FAM234B: variants seen among roughly 807,000 people sequenced by gnomAD.
FAM234B encodes family with sequence similarity 234 member B.
Under a neutral mutation model 69.3 loss-of-function variants are expected in FAM234B, and 33 were observed. That is an observed-to-expected ratio of 0.48 (90% CI 0.36 to 0.64). The LOEUF is 0.64. FAM234B is among the 30% of genes least tolerant of loss of function. The pLI is 0.00. For missense variants in FAM234B, 697 were observed against 769.7 expected (o/e 0.91, Z 1.12); for synonymous variants, 306 against 306.9 (o/e 1.00, Z 0.03).
In FAM234B at chr12:13,082,721, CTGTTA is replaced by C; in HGVS notation, c.*2097_*2101del. ...AGCTGTCCGGGCATAACCTGGTTCT[CTGTTA>C]TGTTAAGGCTTTCTGGGAAGCCAGC... On this transcript the variant is annotated 3_prime_UTR_variant, in exon 13 of 13. Transcript: ENST00000197268. 6.6e-6 allele frequency: 1 copy of C among 152,228 alleles called. No individual in the cohort carries two copies. The highest frequency in any genetic ancestry group is 1.9e-4 in the East Asian group (1 of 5,182). The allele number at this position is 152,228 out of a possible 1,614,324, so 9.4% of individuals were successfully genotyped here.
At position 13,068,354 on chromosome 12, in the gene FAM234B, G is replaced by A. The variant is rs965907314; in HGVS notation, c.1193G>A (p.Ser398Asn). ...QMVKAPDSNC[S>N]NLLITTRQSL... ...GTGAAGGCACCAGATTCCAACTGCA[G>A]CAACCTTCTGATTACAACCAGACAA... The change falls in exon 8 of 13, where the codon AGC becomes AAC. Residue 398 changes from serine to asparagine, a missense_variant. Physicochemically the swap from Ser to Asn is conservative, Grantham distance 46. Transcript: ENST00000197268. 9 of 1,614,168 alleles carry A rather than the reference G, an allele frequency of 5.6e-6. No individual in the cohort carries two copies. The highest frequency in any genetic ancestry group is 3.3e-5 in the Admixed American group (2 of 60,016).
At chr12:13,046,234 A>T (rs1404909215) in intron 1 of FAM234B, among the ~76,000 whole-genome samples, 5 of 96,880 alleles carry the variant, frequency 5.2e-5, no homozygotes, top group African/African-American at 2.5e-4. Flanking sequence ...TAGTACTTGG[A>T]TGGGAGAAAA....
intron 11 of FAM234B, among the ~76,000 whole-genome samples, chr12:13,078,418 C>T (rs950153526): frequency 7.2e-5 from 11 of 152,276 alleles, no homozygotes; most frequent in Middle Eastern, 3.4e-3. Context: ...ACGTTTAAGT[C>T]CACAGCCAAT....
rs1263118149 is a variant in FAM234B, at chr12:13,080,666, G to A, written c.*36G>A. On this transcript the variant is annotated 3_prime_UTR_variant, in exon 13 of 13. Transcript: ENST00000197268. ...TCTTCAGTTGCAGAAGAAGTGAACA[G>A]AGTGGATACCCTCTCTACTCTCCTG... 6.4e-7 allele frequency: 1 copy of A among 1,566,410 alleles called. No individual in the cohort carries two copies. Among genetic ancestry groups the A allele is most frequent in the Admixed American group, 1.7e-5 (1 of 59,786 alleles).
chr12:13,075,990 T>C (rs1194516376), intron 10 of FAM234B, 36 bp from the exon 11 acceptor site: 1 of 1,472,090 alleles, frequency 6.8e-7, no homozygotes, highest in Non-Finnish European at 9.5e-7. Context: ...GAATGTAGCG[T>C]TACCTTTGCT....
At chr12:13,053,400 G>A (rs552204227) in intron 1 of FAM234B, among the ~76,000 whole-genome samples, 1 of 152,130 alleles carries the variant, frequency 6.6e-6, no homozygotes, top group South Asian at 2.1e-4. Flanking sequence ...TTTCAACGTA[G>A]GTTCTTTCTA....
chr12:13,075,711 C>T (rs997681566), intron 10 of FAM234B, among the ~76,000 whole-genome samples: 1 of 151,470 alleles, frequency 6.6e-6, no homozygotes, highest in Non-Finnish European at 1.5e-5. Flanking sequence ...CCACCTCGGC[C>T]TCCTAAAGTG....
intron 11 of FAM234B, among the ~76,000 whole-genome samples, chr12:13,077,101 G>A (rs978555676): frequency 6.6e-6 from 1 of 152,078 alleles, no homozygotes; most frequent in East Asian, 1.9e-4. Flanking sequence ...CCACTGATTG[G>A]GGGGTGGGGG....
At position 13,067,152 on chromosome 12, in the gene FAM234B, T is replaced by C; in HGVS notation, c.1001-3T>C. On this transcript the variant is annotated splice_region_variant and splice_polypyrimidine_tract_variant and intron_variant, in intron 6 of 12. Transcript: ENST00000197268. The surrounding 1 kb of genome is among the most constrained non-coding windows in gnomAD (Gnocchi z 4.7). ...CTCAGTGTTGGTTCTTCTGTGGTGC[T>C]AGGAAATATACAAGCTGTCGCACTG... is the stretch of plus-strand genomic sequence containing the variant. 1.2e-6 allele frequency: 2 copies of C among 1,613,992 alleles called. No homozygotes were observed. Among genetic ancestry groups the C allele is most frequent in the East Asian group, 2.2e-5 (1 of 44,886 alleles).
chr12:13,058,035 C>G (rs903715270), intron 2 of FAM234B, among the ~76,000 whole-genome samples: 2 of 152,196 alleles, frequency 1.3e-5, no homozygotes, highest in African/African-American at 4.8e-5. Flanking sequence ...TACAACTTTC[C>G]TGTCTTGCTG....
In FAM234B at chr12:13,080,611, C is replaced by G. The variant is rs1865214424; in HGVS notation, c.1864-14C>G. 1 of 1,603,272 alleles carries G rather than the reference C, an allele frequency of 6.2e-7. No individual in the cohort carries two copies. Among genetic ancestry groups the G allele is most frequent in the Non-Finnish European group, 8.5e-7 (1 of 1,170,346 alleles). On this transcript the variant is annotated splice_polypyrimidine_tract_variant and intron_variant, in intron 12 of 12. Transcript: ENST00000197268. ...ATGAAAAACAATAAAGTCACGATAA[C>G]TCTTTTTCCATAGATCTAATCTGAT... is the stretch of plus-strand genomic sequence containing the variant.
At chr12:13,047,129 G>T (rs1318380212) in intron 1 of FAM234B, among the ~76,000 whole-genome samples, 3 of 152,180 alleles carry the variant, frequency 2.0e-5, no homozygotes, top group African/African-American at 7.2e-5. Context: ...ACAGATCTCA[G>T]CAGTCTTGTT....
rs55734917 is a variant in FAM234B at position 13,072,729 on chromosome 12, CA to C, written c.1524+1351del. On this transcript the variant is annotated intron_variant, in intron 10 of 12. Transcript: ENST00000197268. ...CAGGCGACAGTGCGAGACTTTGTCT[CA>C]AAAAAAAAAAAAAAAAAGAACTTTA... 7.7e-3 allele frequency among the ~76,000 whole-genome samples: 693 copies of C among 89,984 alleles called. 3 individuals are homozygous for C. Among genetic ancestry groups the C allele is most frequent in the Middle Eastern group, 0.019 (3 of 160 alleles). The allele number at this position is 89,984 out of a possible 152,430, so 59.0% of individuals were successfully genotyped here.
intron 9 of FAM234B, among the ~76,000 whole-genome samples, chr12:13,070,008 T>C (rs1459613608): frequency 6.6e-6 from 1 of 152,032 alleles, no homozygotes; most frequent in Non-Finnish European, 1.5e-5. Context: ...GTTTCAGCCC[T>C]GGGTTTTAAT....
rs961058123 is a variant in FAM234B at position 13,054,886 on chromosome 12, A to G, written c.38-665A>G. On this transcript the variant is annotated intron_variant, in intron 1 of 12. Transcript: ENST00000197268. ...AGTCCCCTACCTCTGTGTACTGGCTAGATCACCACCCCTCCCAGAATACTT... is the reference window on the plus strand; with the variant it reads ...AGTCCCCTACCTCTGTGTACTGGCTGGATCACCACCCCTCCCAGAATACTT... Among the ~76,000 whole-genome samples, 6 of 152,246 alleles carry G rather than the reference A, an allele frequency of 3.9e-5. No homozygotes were observed. The East Asian group carries it at 7.7e-4, about 19-fold the overall frequency.
At chr12:13,050,707 T>C (rs968317164) in intron 1 of FAM234B, among the ~76,000 whole-genome samples, 1 of 152,160 alleles carries the variant, frequency 6.6e-6, no homozygotes, top group African/African-American at 2.4e-5. Flanking sequence ...ATTTTTCTTG[T>C]TGATAAAATG....
intron 2 of FAM234B, among the ~76,000 whole-genome samples, chr12:13,056,589 C>T (rs1019524818): frequency 6.6e-6 from 1 of 152,172 alleles, no homozygotes; most frequent in Non-Finnish European, 1.5e-5. Context: ...CTGGCATCCT[C>T]TTGATCTAGA....
intron 10 of FAM234B, among the ~76,000 whole-genome samples, chr12:13,072,137 A>G (rs1248791507): frequency 1.3e-5 from 2 of 152,164 alleles, no homozygotes; most frequent in African/African-American, 4.8e-5. Flanking sequence ...GAGAAGGCAG[A>G]TGGTCCACAG....
chr12:13,058,313 G>T, intron 2 of FAM234B, 138 bp from the exon 3 acceptor site: 1 of 711,388 alleles, frequency 1.4e-6, no homozygotes, highest in East Asian at 2.5e-5. Context: ...CACTTAGCAG[G>T]GGGAGTAGGG....
Sources: gnomAD v4.1 joint callset for allele counts (sites outside exome capture counted in the v4.1 genomes callset) on GRCh38, gnomAD v4.1.1 for gene constraint, Gnocchi (gnomAD v3.1) non-coding constraint, MANE v1.5 for transcripts, NCBI Gene and HGNC (gene_info 2026-07-23, HGNC 2026-07-21) for gene names.